The following TENM4 variants were observed in gnomAD, a reference collection of about 807,000 sequenced individuals.
TENM4 encodes teneurin-4.
TENM4 carries 82 observed loss-of-function variants against 243.3 expected under a neutral mutation model. The ratio of observed to expected loss-of-function variants is 0.34; its 90% CI spans 0.28 to 0.40. The LOEUF (loss-of-function observed/expected upper bound fraction) is 0.40. Ranked by LOEUF, TENM4 falls within the 10% of genes least tolerant of loss-of-function variation. The pLI is 1.00. For missense variants in TENM4, 3,138 were observed against 3,673.3 expected, an observed-to-expected ratio of 0.85 and a Z score of 3.77; for synonymous variants, 1,412 against 1,456.3, an observed-to-expected ratio of 0.97 and a Z score of 0.69.
At chr11:78,966,551 G>A (rs1857440947) in intron 6 of TENM4, among the ~76,000 whole-genome samples, 1 of 152,142 alleles carries the variant, frequency 6.6e-6, no homozygotes, top group African/African-American at 2.4e-5. Context: ...AGTGCACAAG[G>A]AGGTCTCAGC....
chr11:79,086,016 G>A (rs780815724), intron 4 of TENM4, among the ~76,000 whole-genome samples: 2 of 152,158 alleles, frequency 1.3e-5, no homozygotes, highest in African/African-American at 2.4e-5. Context: ...TCACCAGAAC[G>A]ACTCTGGAAG....
intron 16 of TENM4, 31 bp from the exon 17 acceptor site, chr11:78,778,659 T>C (rs1325556568): frequency 6.2e-7 from 1 of 1,606,734 alleles, no homozygotes; most frequent in Non-Finnish European, 8.5e-7. Context: ...ACATTTAAGG[T>C]AGGATCCAGT....
chr11:79,111,256 CTT>C (rs984837658), intron 4 of TENM4, among the ~76,000 whole-genome samples: 1 of 152,170 alleles, frequency 6.6e-6, no homozygotes, highest in South Asian at 2.1e-4. Context: ...CATCAAACCT[CTT>C]TTTCTGGCCA....
chr11:78,925,900 T>C (rs1333047515), intron 6 of TENM4, among the ~76,000 whole-genome samples: 1 of 148,004 alleles, frequency 6.8e-6, no homozygotes, highest in Non-Finnish European at 1.5e-5. Context: ...AATGAAGGCA[T>C]GTACAAGAAA....
chr11:79,259,309 G>C (rs767099968), intron 2 of TENM4, among the ~76,000 whole-genome samples: 2 of 152,080 alleles, frequency 1.3e-5, no homozygotes, highest in Non-Finnish European at 2.9e-5. Context: ...TTCATACACT[G>C]TTTCCTCCAC....
intron 12 of TENM4, among the ~76,000 whole-genome samples, chr11:78,821,361 T>C (rs1178601429): frequency 6.6e-6 from 1 of 152,210 alleles, no homozygotes; most frequent in Non-Finnish European, 1.5e-5. Flanking sequence ...ATTTATTGTA[T>C]TGATAAACAA....
At chr11:79,246,158 A>G (rs145889632) in intron 2 of TENM4, among the ~76,000 whole-genome samples, 8 of 152,240 alleles carry the variant, frequency 5.3e-5, no homozygotes, top group South Asian at 2.1e-4. Flanking sequence ...AGAGTGCTCA[A>G]TAAGTGTTAG....
chr11:78,828,348 T>C (rs1269354347), intron 12 of TENM4, among the ~76,000 whole-genome samples: 1 of 152,220 alleles, frequency 6.6e-6, no homozygotes, highest in Non-Finnish European at 1.5e-5. Flanking sequence ...CATGTAGTAA[T>C]ATCACTTTGC....
At position 79,145,969 on chromosome 11, in the gene TENM4, T is replaced by C. The variant is rs141942434; in HGVS notation, c.-66+2741A>G. On this transcript the variant is annotated intron_variant, in intron 4 of 33. Coordinates refer to ENST00000278550, the MANE Select transcript of TENM4 (RefSeq NM_001098816.3). ...CATTTTTCTATTAGGCTGTCTGTCT[T>C]TTCTTACTGATTTATAGGAGTTTCT... 1.1e-3 allele frequency among the ~76,000 whole-genome samples: 168 copies of C among 152,258 alleles called. 2 individuals carry two copies. The highest frequency in any genetic ancestry group is 2.7e-3 in the African/African-American group (111 of 41,574).
intron 3 of TENM4, among the ~76,000 whole-genome samples, chr11:79,190,578 A>C (rs1863460260): frequency 6.6e-6 from 1 of 152,166 alleles, no homozygotes; most frequent in African/African-American, 2.4e-5. Context: ...TCCCTCAAGA[A>C]GCATCATGAA....
In TENM4 at chr11:79,353,440, G is replaced by A. The variant is rs141075240; in HGVS notation, c.-320-55897C>T. On this transcript the variant is annotated intron_variant, in intron 1 of 33. Coordinates refer to ENST00000278550, the MANE Select transcript of TENM4 (RefSeq NM_001098816.3). ...TCTCATTTCTGGACTGTCTCTTAAC[G>A]TGGTTTTTGGGGAAAAAAATAGTTT... is the stretch of plus-strand genomic sequence containing the variant. Among the ~76,000 whole-genome samples, 262 of 152,156 alleles carry A rather than the reference G, an allele frequency of 1.7e-3. 2 individuals carry two copies. The highest frequency in any genetic ancestry group is 5.2e-3 in the African/African-American group (215 of 41,516).
At chr11:79,056,901 T>A (rs1420763414) in intron 6 of TENM4, among the ~76,000 whole-genome samples, 2 of 152,172 alleles carry the variant, frequency 1.3e-5, no homozygotes, top group Non-Finnish European at 2.9e-5. Flanking sequence ...AAGCCCCCCG[T>A]CCTTACAGTA....
intron 6 of TENM4, among the ~76,000 whole-genome samples, chr11:78,940,631 C>A (rs1475589368): frequency 6.6e-6 from 1 of 152,216 alleles, no homozygotes; most frequent in Admixed American, 6.5e-5. Context: ...CATTAACATT[C>A]CTCCTGGGAG....
chr11:79,199,241 C>T (rs536864573), intron 3 of TENM4, among the ~76,000 whole-genome samples: 1 of 152,294 alleles, frequency 6.6e-6, no homozygotes, highest in African/African-American at 2.4e-5. Flanking sequence ...GATGATAATA[C>T]TACCTACTTC....
At chr11:78,881,399 G>A (rs1300959773) in intron 9 of TENM4, among the ~76,000 whole-genome samples, 1 of 152,172 alleles carries the variant, frequency 6.6e-6, no homozygotes, top group East Asian at 1.9e-4. Context: ...GGAAGAGAGT[G>A]AGGTGGAGAT....
At chr11:78,867,900 T>C (rs992092161) in intron 9 of TENM4, among the ~76,000 whole-genome samples, 3 of 152,200 alleles carry the variant, frequency 2.0e-5, no homozygotes, top group South Asian at 2.1e-4. Flanking sequence ...CTTTTATATA[T>C]TTTATTTTAA....
chr11:79,087,965 C>T (rs913639303), intron 4 of TENM4, among the ~76,000 whole-genome samples: 2 of 152,262 alleles, frequency 1.3e-5, no homozygotes, highest in African/African-American at 4.8e-5. Context: ...CCAGGCTGTT[C>T]TTTCCGTGGG....
chr11:78,748,615 G>A (rs1280955611), intron 19 of TENM4, among the ~76,000 whole-genome samples: 1 of 152,200 alleles, frequency 6.6e-6, no homozygotes, highest in East Asian at 1.9e-4. Flanking sequence ...CCAACTGGGC[G>A]TGGCTTCCAA....
intron 9 of TENM4, among the ~76,000 whole-genome samples, chr11:78,882,281 T>A (rs189073221): frequency 9.5e-4 from 145 of 152,306 alleles, no homozygotes; most frequent in Non-Finnish European, 1.4e-3. Context: ...CTGGCCTCTA[T>A]CTGTAATTCT....
Sources: gnomAD v4.1 joint callset for allele counts (sites outside exome capture counted in the v4.1 genomes callset) on GRCh38, gnomAD v4.1.1 for gene constraint, MANE v1.5 for transcripts, NCBI Gene and HGNC (gene_info 2026-07-23, HGNC 2026-07-21) for gene names.